ZNF236: variants seen among roughly 807,000 people sequenced by gnomAD.
ZNF236 encodes the protein zinc finger protein 236.
ZNF236 carries 50 observed loss-of-function variants against 191.2 expected under a neutral mutation model. The observed-to-expected ratio is 0.26, with a 90% CI of 0.21 to 0.33. The LOEUF is 0.33. Among genes scored for constraint, ZNF236 ranks in the 10% least tolerant of loss-of-function variants. The pLI is 1.00. For missense variants in ZNF236, 1,754 were observed against 2,374.5 expected (o/e 0.74, Z 5.43); for synonymous variants, 907 against 928.8 (o/e 0.98, Z 0.43).
intron 1 of ZNF236, among the ~76,000 whole-genome samples, chr18:76,839,469 T>C (rs772852407): frequency 1.6e-4 from 24 of 152,246 alleles, no homozygotes; most frequent in Non-Finnish European, 3.1e-4. Flanking sequence ...TCATATTTAT[T>C]ATATAACTTG....
Position 76,970,566 on chromosome 18 carries a change from T to G in ZNF236, c.*2227T>G, listed in dbSNP as rs186400021. On this transcript the variant is annotated 3_prime_UTR_variant, in exon 31 of 31. Coordinates refer to ENST00000320610, the MANE Select transcript of ZNF236 (RefSeq NM_001306089.2). ...ACTTGAATCTTTGTGGGGTACAGGT[T>G]GATCTTTATATTTTACTGGTTGTTT... 36 of 152,670 alleles carry G rather than the reference T, an allele frequency of 2.4e-4. No individual in the cohort carries two copies. The highest frequency in any genetic ancestry group is 2.0e-3 in the Admixed American group (31 of 15,286). 9.5% of individuals were successfully genotyped at this position (152,670 alleles called of 1,614,324 possible). A position where few individuals can be genotyped will look rare whatever the true frequency, so the allele number is the denominator to read the frequency against.
At chr18:76,941,923 G>A (rs1011928090) in intron 26 of ZNF236, among the ~76,000 whole-genome samples, 2 of 152,130 alleles carry the variant, frequency 1.3e-5, no homozygotes, top group Non-Finnish European at 2.9e-5. Context: ...GCAAAAACCA[G>A]ATGAAAACTT....
At chr18:76,904,003 T>C (rs1411648076) in intron 11 of ZNF236, among the ~76,000 whole-genome samples, 1 of 149,702 alleles carries the variant, frequency 6.7e-6, no homozygotes, top group Non-Finnish European at 1.5e-5. Flanking sequence ...TTATGTAGAC[T>C]CCATGTCAAC....
chr18:76,863,262 A>G (rs900150598), intron 3 of ZNF236, among the ~76,000 whole-genome samples: 1 of 152,230 alleles, frequency 6.6e-6, no homozygotes, highest in African/African-American at 2.4e-5. Flanking sequence ...GATAGGAGAA[A>G]GAGTGTGGGG....
rs770010688 is a variant in ZNF236, at chr18:76,925,541, T to C, written c.4014T>C (p.Pro1338=). ...QPGLVGQAIL[P]ASVSAGGDLT... is the part of the protein sequence containing the mutation. ...GACTGGTGGGCCAAGCTATTCTCCC[T>C]GCCTCTGTGTCAGGTAAACGCTGAG... The change falls in exon 22 of 31, where the codon CCT becomes CCC. Residue 1338 remains proline, a synonymous_variant. Coordinates refer to ENST00000320610, the MANE Select transcript of ZNF236 (RefSeq NM_001306089.2). This position sits in a 1 kb window ranked among gnomAD's most constrained non-coding sequence, Gnocchi z 5.7. 13 of 1,612,924 alleles carry C rather than the reference T, an allele frequency of 8.1e-6. No homozygotes were observed. The East Asian group carries it at 2.5e-4, about 30-fold the overall frequency.
At chr18:76,859,421 C>G (rs1976149100) in intron 3 of ZNF236, among the ~76,000 whole-genome samples, 2 of 152,070 alleles carry the variant, frequency 1.3e-5, no homozygotes, top group Admixed American at 1.3e-4. Context: ...TGCGTATTAA[C>G]CAGTTAGATC....
intron 9 of ZNF236, among the ~76,000 whole-genome samples, chr18:76,889,478 T>C (rs2122683038): frequency 6.6e-6 from 1 of 152,266 alleles, no homozygotes; most frequent in South Asian, 2.1e-4. Context: ...GAAGTAGCAC[T>C]GGGAAGACAG....
rs372614387 is a variant in ZNF236, at chr18:76,925,403, G to A, written c.3876G>A (p.Ser1292=). 71 of 1,614,042 alleles carry A rather than the reference G, an allele frequency of 4.4e-5. No individual in the cohort carries two copies. The highest frequency in any genetic ancestry group is 9.3e-5 in the African/African-American group (7 of 74,908). Reference sequence around the variant, plus strand: ...GAAAGCCTATGACTCGAAGCTCATCGGAAGGACTGCAGCCTGTAAACCTCC... The same window carrying A: ...GAAAGCCTATGACTCGAAGCTCATCAGAAGGACTGCAGCCTGTAAACCTCC... ...KARKPMTRSS[S]EGLQPVNLLN... is the part of the protein sequence containing the mutation. The change falls in exon 22 of 31, where the codon TCG becomes TCA. Residue 1292 remains serine (S), a synonymous_variant. Coordinates refer to ENST00000320610, the MANE Select transcript of ZNF236 (RefSeq NM_001306089.2). The surrounding 1 kb of genome is among the most constrained non-coding windows in gnomAD (Gnocchi z 5.7).
intron 20 of ZNF236, 87 bp downstream of exon 20, chr18:76,920,145 G>A (rs779343972): frequency 1.0e-5 from 15 of 1,461,376 alleles, no homozygotes; most frequent in Non-Finnish European, 1.4e-5. Context: ...ACTGCAGCAG[G>A]GCCATTAGTT....
At chr18:76,886,010 G>C (rs117923246) in intron 9 of ZNF236, 2,416 of 152,370 alleles carry the variant, frequency 0.016, 31 homozygotes, top group Middle Eastern at 0.02. Flanking sequence ...CCTGCGGTCA[G>C]CATCAGTGTT....
In ZNF236 at chr18:76,925,608, C is replaced by G; in HGVS notation, c.4027+54C>G. Reference sequence around the variant, plus strand: ...AGCACAGTGATTGAACTGTTCTGTGCTGCTTCTGTCTGTTCCCACGACAGA... The same window carrying G: ...AGCACAGTGATTGAACTGTTCTGTGGTGCTTCTGTCTGTTCCCACGACAGA... On this transcript the variant is annotated intron_variant, in intron 22 of 30. Coordinates refer to ENST00000320610, the MANE Select transcript of ZNF236 (RefSeq NM_001306089.2). This position sits in a 1 kb window ranked among gnomAD's most constrained non-coding sequence, Gnocchi z 5.7. The G allele has an allele frequency of 1.9e-6, 3 of 1,568,698 alleles. No homozygotes were observed. Among genetic ancestry groups the G allele is most frequent in the Non-Finnish European group, 1.7e-6 (2 of 1,159,704 alleles).
At chr18:76,955,588 A>G (rs778838466) in intron 27 of ZNF236, among the ~76,000 whole-genome samples, 2 of 152,218 alleles carry the variant, frequency 1.3e-5, no homozygotes, top group Non-Finnish European at 2.9e-5. Flanking sequence ...TAAAGCTACT[A>G]CCAGTAGCGA....
chr18:76,861,193 A>T (rs1446652649), intron 3 of ZNF236, among the ~76,000 whole-genome samples: 1 of 152,122 alleles, frequency 6.6e-6, no homozygotes. Flanking sequence ...CTTAGGTCAG[A>T]GTTTGTGACT....
intron 2 of ZNF236, 86 bp from the exon 3 acceptor site, chr18:76,851,689 G>A: frequency 2.1e-6 from 3 of 1,415,552 alleles, no homozygotes; most frequent in Non-Finnish European, 2.8e-6. Flanking sequence ...TGTACATTAT[G>A]GTACTTGTTA....
At chr18:76,955,446 A>G (rs993839579) in intron 27 of ZNF236, among the ~76,000 whole-genome samples, 4 of 152,106 alleles carry the variant, frequency 2.6e-5, no homozygotes, top group African/African-American at 9.7e-5. Context: ...TTTAAAAATG[A>G]TTTTTTCAAG....
chr18:76,877,892 G>GTAAT (rs1318796300), intron 6 of ZNF236, 117 bp from the exon 7 acceptor site: 9 of 774,352 alleles, frequency 1.2e-5, no homozygotes, highest in Non-Finnish European at 1.7e-5. Context: ...AATGTTGAAG[G>GTAAT]GTTAGATTAT....
chr18:76,913,994 G>A, intron 18 of ZNF236, 96 bp downstream of exon 18: 1 of 1,316,570 alleles, frequency 7.6e-7, no homozygotes, highest in Admixed American at 2.2e-5. Context: ...CACTTAAAGT[G>A]TACAATTCAG....
At chr18:76,866,022 AAG>A (rs1472466006) in intron 3 of ZNF236, among the ~76,000 whole-genome samples, 1 of 152,238 alleles carries the variant, frequency 6.6e-6, no homozygotes, top group East Asian at 1.9e-4. Flanking sequence ...TCAAACCCAG[AAG>A]AGTAAACCAG....
intron 30 of ZNF236, among the ~76,000 whole-genome samples, chr18:76,967,531 G>A (rs1968808459): frequency 1.1e-5 from 1 of 94,636 alleles, no homozygotes; most frequent in African/African-American, 4.0e-5. Context: ...AGGTGGTGGT[G>A]TGATCTGTGA....
Sources: allele counts gnomAD v4.1 joint callset (sites outside exome capture counted in the v4.1 genomes callset), GRCh38; gene constraint gnomAD v4.1.1; non-coding constraint Gnocchi (gnomAD v3.1); transcripts MANE v1.5; gene names NCBI Gene and HGNC (gene_info 2026-07-23, HGNC 2026-07-21).